Variants in WDFY2 observed in about 807,000 individuals in gnomAD.
The protein encoded by WDFY2 is WD repeat and FYVE domain-containing protein 2.
A neutral mutation model predicts 56.4 loss-of-function variants in WDFY2; 36 were observed. That is an observed-to-expected ratio of 0.64 (90% CI 0.49 to 0.84). The LOEUF (loss-of-function observed/expected upper bound fraction) is 0.84, where lower values mean the gene tolerates loss of function less well. Ranked by LOEUF, WDFY2 falls within the 40% of genes least tolerant of loss-of-function variation. The pLI is 0.00. For synonymous variants in WDFY2, 176 were observed against 183.7 expected, an observed-to-expected ratio of 0.96 and a Z score of 0.34; for missense variants, 444 against 512.2, an observed-to-expected ratio of 0.87 and a Z score of 1.29.
chr13:51,615,302 A>C (rs1193243825), intron 1 of WDFY2, among the ~76,000 whole-genome samples: 3 of 152,192 alleles, frequency 2.0e-5, no homozygotes, highest in Non-Finnish European at 4.4e-5. Context: ...AAGACAACAT[A>C]CAGATAGTAA....
chr13:51,616,888 AG>A (rs1566315835), intron 1 of WDFY2, among the ~76,000 whole-genome samples: 1 of 152,356 alleles, frequency 6.6e-6, no homozygotes, highest in East Asian at 1.9e-4. Context: ...TTAGAGATAC[AG>A]TCACTTACAC....
intron 5 of WDFY2, among the ~76,000 whole-genome samples, chr13:51,724,123 A>G (rs1240913760): frequency 6.6e-6 from 1 of 151,682 alleles, no homozygotes; most frequent in South Asian, 2.1e-4. Flanking sequence ...TTAAATAATA[A>G]TATGTTCAGT....
At chr13:51,589,727 A>C (rs1222030193) in intron 1 of WDFY2, 1 of 152,206 alleles carries the variant, frequency 6.6e-6, no homozygotes, top group Non-Finnish European at 1.5e-5. Flanking sequence ...GAAGTCAGCA[A>C]AATTAGAACC....
At chr13:51,630,772 T>A (rs567319516) in intron 1 of WDFY2, among the ~76,000 whole-genome samples, 5 of 151,946 alleles carry the variant, frequency 3.3e-5, no homozygotes, top group African/African-American at 1.2e-4. Flanking sequence ...TTTTTCTTTT[T>A]TTTTTTTAGT....
chr13:51,687,789 A>T (rs1956086252), intron 3 of WDFY2, among the ~76,000 whole-genome samples: 1 of 152,146 alleles, frequency 6.6e-6, no homozygotes, highest in Admixed American at 6.6e-5. Context: ...GATAGCTTTC[A>T]TTTAATGCAG....
At chr13:51,661,272 G>C (rs1955606274) in intron 2 of WDFY2, among the ~76,000 whole-genome samples, 1 of 151,986 alleles carries the variant, frequency 6.6e-6, no homozygotes, top group South Asian at 2.1e-4. Context: ...AAGAAGACCT[G>C]GCCCCCCAAA....
At chr13:51,641,825 CAAAAA>C (rs750489541) in intron 1 of WDFY2, among the ~76,000 whole-genome samples, 17 of 37,418 alleles carry the variant, frequency 4.5e-4, no homozygotes, top group Admixed American at 9.7e-4. Context: ...GACTCCGTCT[CAAAAA>C]AAAAAAAAAA....
chr13:51,741,822 CTT>C (rs1222470606), intron 7 of WDFY2, among the ~76,000 whole-genome samples: 1 of 152,104 alleles, frequency 6.6e-6, no homozygotes, highest in Non-Finnish European at 1.5e-5. Flanking sequence ...GTCTCTGAAC[CTT>C]AATTGAGTCC....
chr13:51,703,116 G>T (rs1221852697), intron 3 of WDFY2, among the ~76,000 whole-genome samples: 1 of 152,100 alleles, frequency 6.6e-6, no homozygotes, highest in Admixed American at 6.5e-5. Flanking sequence ...GGTGTCCTGG[G>T]GATACAGGGA....
At chr13:51,657,183 A>G (rs757858109) in intron 1 of WDFY2, among the ~76,000 whole-genome samples, 1 of 152,026 alleles carries the variant, frequency 6.6e-6, no homozygotes, top group Non-Finnish European at 1.5e-5. Context: ...TATTTTTACT[A>G]GTGTACATTA....
chr13:51,616,981 C>G (rs573431699), intron 1 of WDFY2, among the ~76,000 whole-genome samples: 3 of 152,264 alleles, frequency 2.0e-5, no homozygotes, highest in Non-Finnish European at 2.9e-5. Context: ...GAGTTCATGT[C>G]ATTGTGACAA....
chr13:51,732,237 TCTC>T (rs1952739717), intron 6 of WDFY2, among the ~76,000 whole-genome samples: 2 of 152,006 alleles, frequency 1.3e-5, no homozygotes, highest in South Asian at 4.1e-4. Context: ...TTCAAGCAAT[TCTC>T]CTGCCTCAGC....
chr13:51,695,887 T>C (rs532282786), intron 3 of WDFY2, among the ~76,000 whole-genome samples: 18 of 152,356 alleles, frequency 1.2e-4, no homozygotes, highest in African/African-American at 4.1e-4. Context: ...CAATGGTGGG[T>C]GCCCCTCCCC....
rs144364384 is a variant in WDFY2 at position 51,619,847 on chromosome 13, C to T, written c.137+35023C>T. On this transcript the variant is annotated intron_variant, in intron 1 of 11. Coordinates refer to ENST00000298125, the MANE Select transcript of WDFY2 (RefSeq NM_052950.4). ...AACAGCTGGATTGGTTACAGCTGGG[C>T]GTTTGCCTTATTTGAACCTGCCTTG... 5.3e-3 allele frequency among the ~76,000 whole-genome samples: 806 copies of T among 152,274 alleles called. 6 individuals carry two copies. Among genetic ancestry groups the T allele is most frequent in the African/African-American group, 0.018 (749 of 41,550 alleles).
At chr13:51,654,361 G>A (rs1955466404) in intron 1 of WDFY2, among the ~76,000 whole-genome samples, 1 of 152,164 alleles carries the variant, frequency 6.6e-6, no homozygotes, top group Non-Finnish European at 1.5e-5. Flanking sequence ...CGGGTGAGGT[G>A]ATGCCTTGCC....
Position 51,584,788 on chromosome 13 carries a change from C to G in WDFY2, c.101C>G (p.Pro34Arg), listed in dbSNP as rs1953903460. 6.2e-7 allele frequency: 1 copy of G among 1,613,828 alleles called. No homozygotes were observed. Among genetic ancestry groups the G allele is most frequent in the Non-Finnish European group, 8.5e-7 (1 of 1,179,830 alleles). Reference sequence around the variant, plus strand: ...GTGGTGAATATGGCCGTGATCGTGCCCAAAGAGGAGGGCGTCATCAGCGTC... The same window carrying G: ...GTGGTGAATATGGCCGTGATCGTGCGCAAAGAGGAGGGCGTCATCAGCGTC... ...QEVVNMAVIVPKEEGVISVSE... is the reference protein window; with the variant it reads ...QEVVNMAVIVRKEEGVISVSE... The change falls in exon 1 of 12, where the codon CCC (proline) becomes CGC (arginine). Residue 34 changes from proline to arginine, a missense_variant. Physicochemically the swap from Pro to Arg is moderately radical, Grantham distance 103 (BLOSUM62 -2). Coordinates refer to ENST00000298125, the MANE Select transcript of WDFY2 (RefSeq NM_052950.4).
chr13:51,689,022 G>A (rs1286638231), intron 3 of WDFY2, among the ~76,000 whole-genome samples: 1 of 152,198 alleles, frequency 6.6e-6, no homozygotes, highest in African/African-American at 2.4e-5. Context: ...TGGCTTCAGA[G>A]TTTGGCCATG....
chr13:51,618,994 C>T (rs1221972754), intron 1 of WDFY2, among the ~76,000 whole-genome samples: 1 of 152,246 alleles, frequency 6.6e-6, no homozygotes, highest in Non-Finnish European at 1.5e-5. Context: ...CTGTGATCCC[C>T]TTTGCTGCTC....
intron 2 of WDFY2, among the ~76,000 whole-genome samples, chr13:51,664,529 A>C (rs1445089806): frequency 6.6e-6 from 1 of 152,212 alleles, no homozygotes; most frequent in Admixed American, 6.5e-5. Flanking sequence ...GAGAAAGCCC[A>C]AGCAAGTGAT....
Sources: gnomAD v4.1 joint callset for allele counts (sites outside exome capture counted in the v4.1 genomes callset) on GRCh38, gnomAD v4.1.1 for gene constraint, MANE v1.5 for transcripts, NCBI Gene and HGNC (gene_info 2026-07-23, HGNC 2026-07-21) for gene names.